The following DHX29 variants were observed in gnomAD, a reference collection of about 807,000 sequenced individuals.
The protein encoded by DHX29 is ATP-dependent RNA helicase DHX29.
DHX29 carries 79 observed loss-of-function variants against 167.9 expected under a neutral mutation model. The ratio of observed to expected loss-of-function variants is 0.47; its 90% CI spans 0.39 to 0.57. The LOEUF (loss-of-function observed/expected upper bound fraction) is 0.57, where lower values mean the gene tolerates loss of function less well. Ranked by LOEUF, DHX29 falls within the 20% of genes least tolerant of loss-of-function variation. The pLI is 0.00. For missense variants in DHX29, 1,347 were observed against 1,593.4 expected (o/e 0.85, Z 2.63); for synonymous variants, 530 against 546.0 (o/e 0.97, Z 0.41).
intron 26 of DHX29, 96 bp from the exon 27 acceptor site, chr5:55,256,636 A>AT (rs1554021297): frequency 9.3e-7 from 1 of 1,069,968 alleles, no homozygotes; most frequent in Non-Finnish European, 1.3e-6. Flanking sequence ...GTCACTAAAA[A>AT]TTTTTACATT....
At chr5:55,286,565 T>TGTTA (rs1747741135) in intron 8 of DHX29, among the ~76,000 whole-genome samples, 1 of 152,204 alleles carries the variant, frequency 6.6e-6, no homozygotes, top group African/African-American at 2.4e-5. Context: ...AACAGCTTCC[T>TGTTA]GTTACAGATA....
intron 21 of DHX29, among the ~76,000 whole-genome samples, chr5:55,268,161 G>C (rs1746676507): frequency 1.3e-5 from 2 of 152,126 alleles, no homozygotes; most frequent in South Asian, 2.1e-4. Context: ...TTTACAGTCT[G>C]TCATACAGTT....
intron 11 of DHX29, among the ~76,000 whole-genome samples, chr5:55,281,854 C>T (rs1289494942): frequency 6.7e-6 from 1 of 149,490 alleles, no homozygotes; most frequent in East Asian, 2.0e-4. Context: ...GGTGCAATCT[C>T]AGCTCACTGC....
intron 8 of DHX29, 39 bp from the exon 9 acceptor site, chr5:55,285,900 C>A: frequency 6.8e-7 from 1 of 1,461,030 alleles, no homozygotes; most frequent in South Asian, 1.4e-5. Context: ...TAAAAATGGT[C>A]AAGCATTCTC....
In DHX29 at chr5:55,276,356, T is replaced by A; in HGVS notation, c.2337A>T (p.Lys779Asn). ...GAAATTTCTGACAATATTCTGAGTC[T>A]TTTTCCAGTACAAAGCCTGTTTCTT... ...IIEETGFVLE[K>N]DSEYCQKFLE... Residue 779 changes from lysine (K) to asparagine (N), a missense_variant, in exon 14 of 27, where the codon AAA becomes AAT. Lys to Asn is a moderately conservative substitution (Grantham distance 94). Around this residue, in one of 3 missense-constraint regions of DHX29, gnomAD observed 882 missense variants for 1,082.4 expected, o/e 0.81. Transcript: ENST00000251636. 1 of 1,605,484 alleles carries A rather than the reference T, an allele frequency of 6.2e-7. No individual in the cohort carries two copies. Among genetic ancestry groups the A allele is most frequent in the Non-Finnish European group, 8.5e-7 (1 of 1,175,932 alleles).
Position 55,274,943 on chromosome 5 carries a change from C to T in DHX29, c.2495G>A (p.Arg832His), listed in dbSNP as rs372088466. The change falls in exon 15 of 27, where the codon CGC (arginine) becomes CAC (histidine). Residue 832 changes from arginine (R) to histidine (H), a missense_variant. By Grantham distance (29) the Arg-to-His change is conservative (BLOSUM62 0). Around this residue, in one of 3 missense-constraint regions of DHX29, gnomAD observed 882 missense variants for 1,082.4 expected, o/e 0.81. Coordinates refer to ENST00000251636, the MANE Select transcript of DHX29 (RefSeq NM_019030.4). ...LNPFYQKYSSRTQHAILYMNP... is the reference protein window; with the variant it reads ...LNPFYQKYSSHTQHAILYMNP... ...CATGTATAGAATAGCATGCTGAGTGCGGCTGCTGTACTTTTGGTAAAATGG... is the reference window on the plus strand; with the variant it reads ...CATGTATAGAATAGCATGCTGAGTGTGGCTGCTGTACTTTTGGTAAAATGG... 6.8e-6 allele frequency: 11 copies of T among 1,613,772 alleles called. No homozygotes were observed. The highest frequency in any genetic ancestry group is 1.1e-5 in the South Asian group (1 of 91,060).
chr5:55,281,256 A>G, intron 12 of DHX29, 116 bp downstream of exon 12: 1 of 783,638 alleles, frequency 1.3e-6, no homozygotes, highest in Non-Finnish European at 1.8e-6. Flanking sequence ...ATTATTATAT[A>G]TAAGGTATAT....
chr5:55,301,432 G>A (rs902423198), intron 1 of DHX29, among the ~76,000 whole-genome samples: 4 of 152,170 alleles, frequency 2.6e-5, no homozygotes, highest in Admixed American at 1.3e-4. Flanking sequence ...AATGATCCCA[G>A]GCCAGGCGTG....
At position 55,270,404 on chromosome 5, in the gene DHX29, G is replaced by A. The variant is rs373491999; in HGVS notation, c.3069+8C>T. 142 of 1,601,280 alleles carry A rather than the reference G, an allele frequency of 8.9e-5. No homozygotes were observed. The highest frequency in any genetic ancestry group is 1.1e-4 in the Non-Finnish European group (128 of 1,174,676). ...GGACAAAATCCATCCGAGTTCCCTTGAGATTACCATAATATGAAGGCATAA... is the reference window on the plus strand; with the variant it reads ...GGACAAAATCCATCCGAGTTCCCTTAAGATTACCATAATATGAAGGCATAA... On this transcript the variant is annotated splice_region_variant and intron_variant, in intron 20 of 26. Coordinates refer to ENST00000251636, the MANE Select transcript of DHX29 (RefSeq NM_019030.4).
Position 55,266,089 on chromosome 5 carries a change from T to C in DHX29, c.3525+1049A>G, listed in dbSNP as rs567359926. Among the ~76,000 whole-genome samples, 22 of 151,960 alleles carry C rather than the reference T, an allele frequency of 1.4e-4. No individual in the cohort carries two copies. The East Asian group carries it at 4.3e-3, about 29-fold the overall frequency. ...ATCTTGGCTCATTGCAACCTCTGCCTCCCGGGTGCAAGCAATTCTCTGCCT... is the reference window on the plus strand; with the variant it reads ...ATCTTGGCTCATTGCAACCTCTGCCCCCCGGGTGCAAGCAATTCTCTGCCT... On this transcript the variant is annotated intron_variant, in intron 23 of 26. Transcript: ENST00000251636.
At chr5:55,270,547 T>C (rs376935780) in intron 19 of DHX29, 31 bp downstream of exon 19, 3 of 1,613,880 alleles carry the variant, frequency 1.9e-6, no homozygotes, top group African/African-American at 1.3e-5. Context: ...TACTGGTTTA[T>C]GTGTTTTACA....
In DHX29 at chr5:55,261,431, A is replaced by G; in HGVS notation, c.3897T>C (p.Gly1299=). 6 of 1,575,536 alleles carry G rather than the reference A, an allele frequency of 3.8e-6. No individual in the cohort carries two copies. The highest frequency in any genetic ancestry group is 5.2e-6 in the Non-Finnish European group (6 of 1,145,334). Residue 1299 remains glycine, a synonymous_variant, in exon 25 of 27, where the codon GGT becomes GGC. Transcript: ENST00000251636. ...LITPFPVLLF[G]GDIEVQHRER... ...CTCGGTGCTGAACTTCTATATCACC[A>G]CCAAAAAGTAAAACTGGAAAAGGGG... is the stretch of plus-strand genomic sequence containing the variant.
intron 1 of DHX29, among the ~76,000 whole-genome samples, chr5:55,302,727 A>C (rs555611495): frequency 6.6e-6 from 1 of 152,264 alleles, no homozygotes; most frequent in South Asian, 2.1e-4. Flanking sequence ...GTTGGCTTAT[A>C]CTGCAAACTT....
chr5:55,281,312 A>G (rs1747400330), intron 12 of DHX29, 60 bp downstream of exon 12: 3 of 1,390,754 alleles, frequency 2.2e-6, no homozygotes, highest in Non-Finnish European at 2.8e-6. Flanking sequence ...TATTAGGAGT[A>G]ACATCTTTTT....
intron 11 of DHX29, among the ~76,000 whole-genome samples, chr5:55,282,392 C>T (rs1322054865): frequency 2.0e-5 from 3 of 152,116 alleles, no homozygotes; most frequent in South Asian, 2.1e-4. Context: ...TCAGTCATTC[C>T]GTTGTCTTAT....
chr5:55,290,546 T>A (rs1372040865), intron 6 of DHX29, among the ~76,000 whole-genome samples: 1 of 152,186 alleles, frequency 6.6e-6, no homozygotes, highest in South Asian at 2.1e-4. Flanking sequence ...AGGCACTGAC[T>A]GTAAAAGAAA....
intron 8 of DHX29, among the ~76,000 whole-genome samples, chr5:55,288,834 A>G (rs1432964289): frequency 6.6e-6 from 1 of 152,176 alleles, no homozygotes; most frequent in Non-Finnish European, 1.5e-5. Context: ...AAAACAGCCA[A>G]CGTTTTCAAG....
At chr5:55,294,211 C>T in intron 5 of DHX29, 66 bp from the exon 6 acceptor site, 1 of 1,442,242 alleles carries the variant, frequency 6.9e-7, no homozygotes, top group South Asian at 1.3e-5. Context: ...TATCTTGTCA[C>T]TGCTTTTACA....
At position 55,256,329 on chromosome 5, in the gene DHX29, C is replaced by A; in HGVS notation, c.*159G>T. ...ATTAAAAAGGAACTAGAAAATTATACATGTTTAAAGTATGTGCTTTTTTCC... is the reference window on the plus strand; with the variant it reads ...ATTAAAAAGGAACTAGAAAATTATAAATGTTTAAAGTATGTGCTTTTTTCC... On this transcript the variant is annotated 3_prime_UTR_variant, in exon 27 of 27. Transcript: ENST00000251636. The A allele has an allele frequency of 2.1e-6, 1 of 486,728 alleles. No individual in the cohort carries two copies. The highest frequency in any genetic ancestry group is 3.6e-5 in the South Asian group (1 of 27,720). 30.2% of individuals were successfully genotyped at this position (486,728 alleles called of 1,614,324 possible).
Sources: gnomAD v4.1 joint callset for allele counts (sites outside exome capture counted in the v4.1 genomes callset) on GRCh38, gnomAD v4.1.1 for gene constraint, gnomAD v4.1.1 regional missense constraint, MANE v1.5 for transcripts, NCBI Gene and HGNC (gene_info 2026-07-23, HGNC 2026-07-21) for gene names.